The following PIEZO2 variants were observed in gnomAD, a reference collection of about 807,000 sequenced individuals.
The protein encoded by PIEZO2 is piezo-type mechanosensitive ion channel component 2.
PIEZO2 carries 172 observed loss-of-function variants against 337.3 expected under a neutral mutation model. That is an observed-to-expected ratio of 0.51 (90% CI 0.45 to 0.58). The LOEUF (loss-of-function observed/expected upper bound fraction) is 0.58, where lower values mean the gene tolerates loss of function less well. Among genes scored for constraint, PIEZO2 ranks in the 20% least tolerant of loss-of-function variants. The pLI, the probability that PIEZO2 is intolerant of heterozygous loss-of-function variation, is 0.00. For missense variants in PIEZO2, 3,028 were observed against 3,391.3 expected, an observed-to-expected ratio of 0.89 and a Z score of 2.66; for synonymous variants, 1,251 against 1,228.5, an observed-to-expected ratio of 1.02 and a Z score of -0.38.
intron 7 of PIEZO2, among the ~76,000 whole-genome samples, chr18:10,812,259 CA>C (rs2144373923): frequency 6.6e-6 from 1 of 152,330 alleles, no homozygotes; most frequent in Non-Finnish European, 1.5e-5. Context: ...GCACTTTACT[CA>C]GACTACTACG....
chr18:11,140,720 ACT>A (rs2040619175), intron 1 of PIEZO2, among the ~76,000 whole-genome samples: 1 of 151,960 alleles, frequency 6.6e-6, no homozygotes, highest in Non-Finnish European at 1.5e-5. Flanking sequence ...GCTAATATCC[ACT>A]CTCTGTCATG....
rs2039887261 is a variant in PIEZO2, at chr18:11,116,359, C to G, written c.64+32166G>C. ...AAGGGGCTCTTGAGGAGGAAGCTGC[C>G]CAACGGTGTGAAAATGCACCTCGAC... On this transcript the variant is annotated intron_variant, in intron 1 of 55. Transcript: ENST00000674853. The surrounding 1 kb of genome is among the most constrained non-coding windows in gnomAD (Gnocchi z 5.0). Among the ~76,000 whole-genome samples, 1 of 152,056 alleles carries G rather than the reference C, an allele frequency of 6.6e-6. No individual in the cohort carries two copies. The highest frequency in any genetic ancestry group is 2.1e-4 in the South Asian group (1 of 4,824).
At position 10,795,199 on chromosome 18, in the gene PIEZO2, A is replaced by G. The variant is rs906903549; in HGVS notation, c.1528-197T>C. On this transcript the variant is annotated intron_variant, in intron 12 of 55. Coordinates refer to ENST00000674853, the MANE Select transcript of PIEZO2 (RefSeq NM_001378183.1). This position sits in a 1 kb window ranked among gnomAD's most constrained non-coding sequence, Gnocchi z 4.4. ...AGGCAGGAGGTTTTAAAGCTTTAAC[A>G]TTGTAGCTCCATTAACACAGCAGAA... Among the ~76,000 whole-genome samples, 1 of 152,200 alleles carries G rather than the reference A, an allele frequency of 6.6e-6. No homozygotes were observed. The highest frequency in any genetic ancestry group is 1.5e-5 in the Non-Finnish European group (1 of 68,026).
At chr18:10,935,893 G>T (rs552813981) in intron 3 of PIEZO2, among the ~76,000 whole-genome samples, 1 of 152,298 alleles carries the variant, frequency 6.6e-6, no homozygotes, top group South Asian at 2.1e-4. Context: ...TTACTTGGAA[G>T]GACATTCCAA....
At chr18:10,720,399 GTGTGTA>G (rs1288503165) in intron 36 of PIEZO2, among the ~76,000 whole-genome samples, 1 of 9,176 alleles carries the variant, frequency 1.1e-4, no homozygotes, top group South Asian at 4.5e-3. Context: ...GTGTGTGTGT[GTGTGTA>G]TGTGTATGTG....
At chr18:10,740,332 G>A (rs1250294686) in intron 33 of PIEZO2, 4 of 152,310 alleles carry the variant, frequency 2.6e-5, no homozygotes, top group African/African-American at 7.2e-5. Context: ...TTTAAAAATA[G>A]TTTTCTGGTT....
rs2038018235 is a variant in PIEZO2 at position 10,759,229 on chromosome 18, T to TG, written c.3757+252_3757+253insC. Among the ~76,000 whole-genome samples the TG allele has an allele frequency of 3.1e-3, 439 of 141,684 alleles. 4 individuals are homozygous for TG. Among genetic ancestry groups the TG allele is most frequent in the African/African-American group, 0.011 (421 of 39,348 alleles). 93.0% of individuals were successfully genotyped at this position (141,684 alleles called of 152,430 possible). On this transcript the variant is annotated intron_variant, in intron 26 of 55. Coordinates refer to ENST00000674853, the MANE Select transcript of PIEZO2 (RefSeq NM_001378183.1). This position sits in a 1 kb window ranked among gnomAD's most constrained non-coding sequence, Gnocchi z 5.5. The stretch of plus-strand genomic sequence containing the variant: ...TGTGTGTGTGTGTGTGTGTGTGTGT[T>TG]TGTGTGTGTGTGTTGGGGGAAGTGA...
chr18:10,984,561 T>TA (rs1308193944), intron 2 of PIEZO2, among the ~76,000 whole-genome samples: 1 of 151,912 alleles, frequency 6.6e-6, no homozygotes, highest in African/African-American at 2.4e-5. Flanking sequence ...AAAAAAATAA[T>TA]AAAAAACGGT....
At chr18:11,090,123 C>T (rs934321928) in intron 1 of PIEZO2, among the ~76,000 whole-genome samples, 11 of 152,150 alleles carry the variant, frequency 7.2e-5, no homozygotes, top group African/African-American at 1.2e-4. Context: ...CTCAGCTCAG[C>T]GCAAGGTTCC....
intron 51 of PIEZO2, among the ~76,000 whole-genome samples, chr18:10,681,001 A>C (rs1409788996): frequency 6.6e-6 from 1 of 152,158 alleles, no homozygotes; most frequent in Non-Finnish European, 1.5e-5. Flanking sequence ...TAGGGGATGT[A>C]TTTCTTATTT....
At chr18:10,752,546 T>C (rs1467746348) in intron 28 of PIEZO2, 90 bp downstream of exon 28, 3 of 1,390,036 alleles carry the variant, frequency 2.2e-6, no homozygotes, top group Non-Finnish European at 2.9e-6. Context: ...GAGAGCAACA[T>C]GACAAGCACT....
At position 10,750,158 on chromosome 18, in the gene PIEZO2, C is replaced by T. The variant is rs2037590528; in HGVS notation, c.4197G>A (p.Leu1399=). 1 of 1,536,872 alleles carries T rather than the reference C, an allele frequency of 6.5e-7. No homozygotes were observed. The change falls in exon 29 of 56, where the codon TTG becomes TTA. Residue 1399 remains leucine (L), a synonymous_variant. Coordinates refer to ENST00000674853, the MANE Select transcript of PIEZO2 (RefSeq NM_001378183.1). The surrounding 1 kb of genome is among the most constrained non-coding windows in gnomAD (Gnocchi z 4.1). ...GGATCAACCAACAACTATTGTGCAC[C>T]AATGTTCCAATGTATCCACATGCTC... The part of the protein sequence containing the change: ...SIGACGYIGT[L]VHNSCWLIQA...
intron 11 of PIEZO2, among the ~76,000 whole-genome samples, chr18:10,798,833 G>A (rs1267786393): frequency 1.3e-5 from 2 of 152,156 alleles, no homozygotes; most frequent in Non-Finnish European, 2.9e-5. Flanking sequence ...AGAGCACACT[G>A]GAAAGCACTG....
chr18:10,802,607 G>T (rs915330501), intron 9 of PIEZO2, among the ~76,000 whole-genome samples: 1 of 152,150 alleles, frequency 6.6e-6, no homozygotes, highest in African/African-American at 2.4e-5. Context: ...AATCTGTTGT[G>T]ATGTGGTGTT....
chr18:10,682,223 C>G lies in PIEZO2; in HGVS notation c.7567G>C (p.Val2523Leu), dbSNP rs528555261. 1 of 1,537,238 alleles carries G rather than the reference C, an allele frequency of 6.5e-7. No homozygotes were observed. The highest frequency in any genetic ancestry group is 2.4e-5 in the East Asian group (1 of 40,914). The part of the protein sequence containing the change: ...VKYGMGGMII[V>L]LLICIVWFPL... ...AACCAGACAATGCAGATGAGCAGGA[C>G]GATGATCATTCCTCCCATGCCATAC... Residue 2523 changes from valine to leucine, a missense_variant, in exon 50 of 56, where the codon GTC becomes CTC. Transcript: ENST00000674853. This position sits in a 1 kb window ranked among gnomAD's most constrained non-coding sequence, Gnocchi z 5.6.
chr18:10,764,089 G>C (rs940900891), intron 21 of PIEZO2, among the ~76,000 whole-genome samples: 1 of 152,192 alleles, frequency 6.6e-6, no homozygotes, highest in Non-Finnish European at 1.5e-5. Context: ...GATCAGGCCA[G>C]ATGTTCCCAC....
chr18:11,078,085 A>T lies in PIEZO2; in HGVS notation c.65-11863T>A. 6.7e-6 allele frequency among the ~76,000 whole-genome samples: 1 copy of T among 149,174 alleles called. No homozygotes were observed. Among genetic ancestry groups the T allele is most frequent in the East Asian group, 1.9e-4 (1 of 5,134 alleles). ...ACACACACCACACACACAAAAACAA[A>T]CATACACACACACAAACACATACAC... On this transcript the variant is annotated intron_variant, in intron 1 of 55. Coordinates refer to ENST00000674853, the MANE Select transcript of PIEZO2 (RefSeq NM_001378183.1). The surrounding 1 kb of genome is among the most constrained non-coding windows in gnomAD (Gnocchi z 5.3).
At chr18:11,005,555 C>T (rs1481571723) in intron 2 of PIEZO2, among the ~76,000 whole-genome samples, 1 of 152,214 alleles carries the variant, frequency 6.6e-6, no homozygotes, top group Non-Finnish European at 1.5e-5. Flanking sequence ...AGAGGGTGCT[C>T]ATAACAGACA....
intron 3 of PIEZO2, among the ~76,000 whole-genome samples, chr18:10,950,782 G>C (rs548780460): frequency 6.6e-6 from 1 of 152,136 alleles, no homozygotes; most frequent in African/African-American, 2.4e-5. Context: ...CTGTTTAAAC[G>C]GTATCTTCAT....
Sources: allele counts gnomAD v4.1 joint callset (sites outside exome capture counted in the v4.1 genomes callset), GRCh38; gene constraint gnomAD v4.1.1; non-coding constraint Gnocchi (gnomAD v3.1); transcripts MANE v1.5; gene names NCBI Gene and HGNC (gene_info 2026-07-23, HGNC 2026-07-21).